The following LRRC7 variants were observed in gnomAD, a reference collection of about 807,000 sequenced individuals.
LRRC7 encodes leucine-rich repeat-containing protein 7.
LRRC7 carries 23 observed loss-of-function variants against 175.7 expected under a neutral mutation model. That is an observed-to-expected ratio of 0.13 (90% CI 0.09 to 0.19). The LOEUF is 0.19. Ranked by LOEUF, LRRC7 falls within the 10% of genes least tolerant of loss-of-function variation. The probability of loss-of-function intolerance (pLI) is 1.00; values close to 1 mark genes in which losing one functional copy is unlikely to be tolerated. For synonymous variants in LRRC7, 685 were observed against 680.9 expected (o/e 1.01, Z -0.09); for missense variants, 1,354 against 1,904.7 (o/e 0.71, Z 5.38).
chr1:70,084,819 T>C (rs1311947556), intron 24 of LRRC7, among the ~76,000 whole-genome samples: 2 of 152,176 alleles, frequency 1.3e-5, no homozygotes, highest in East Asian at 3.8e-4. Flanking sequence ...GTACTTATTA[T>C]TGTTTGTCTT....
In LRRC7 at chr1:69,941,580, T is replaced by C. The variant is rs76024977; in HGVS notation, c.711+10010T>C. On this transcript the variant is annotated intron_variant, in intron 8 of 26. Coordinates refer to ENST00000651989, the MANE Select transcript of LRRC7 (RefSeq NM_001370785.2). The stretch of plus-strand genomic sequence containing the variant: ...TATGGTAGGATCTGAATTTTGTAAA[T>C]TGAGGACACCTATCAAAAACTAATA... Among the ~76,000 whole-genome samples, 396 of 151,852 alleles carry C rather than the reference T, an allele frequency of 2.6e-3. 2 individuals are homozygous for C. The highest frequency in any genetic ancestry group is 9.4e-3 in the African/African-American group (387 of 41,278).
chr1:69,638,268 C>T (rs1005926914), intron 1 of LRRC7, among the ~76,000 whole-genome samples: 6 of 151,740 alleles, frequency 4.0e-5, no homozygotes, highest in African/African-American at 1.4e-4. Context: ...ATTAATCATT[C>T]ATTTGGTCAT....
At chr1:69,718,126 A>AAAGAAAAGAGAGAGAGAAAGAAAG (rs1553146096) in intron 2 of LRRC7, among the ~76,000 whole-genome samples, 1 of 32,262 alleles carries the variant, frequency 3.1e-5, no homozygotes, top group Non-Finnish European at 5.1e-5. Flanking sequence ...AGAAAGAAAG[A>AAAGAAAAGAGAGAGAGAAAGAAAG]AAAGAAAGAA....
chr1:69,873,653 C>A (rs979368934), intron 7 of LRRC7: 1 of 367,312 alleles, frequency 2.7e-6, no homozygotes, highest in Admixed American at 3.2e-5. Context: ...ATTTTTGGTG[C>A]GCTACCTGCT....
chr1:69,731,270 C>G (rs1357214493), intron 2 of LRRC7, among the ~76,000 whole-genome samples: 1 of 152,048 alleles, frequency 6.6e-6, no homozygotes, highest in African/African-American at 2.4e-5. Flanking sequence ...CCACTGCACT[C>G]CAGCAAGACT....
intron 7 of LRRC7, among the ~76,000 whole-genome samples, chr1:69,899,431 G>A (rs895371700): frequency 6.6e-6 from 1 of 152,092 alleles, no homozygotes; most frequent in Non-Finnish European, 1.5e-5. Context: ...AGATGCCAGG[G>A]AGCCAATAAA....
intron 7 of LRRC7, among the ~76,000 whole-genome samples, chr1:69,866,384 G>A (rs1175411954): frequency 1.3e-5 from 2 of 152,102 alleles, no homozygotes; most frequent in African/African-American, 4.8e-5. Flanking sequence ...GAGGGAAAGT[G>A]GAGAACCAGC....
chr1:69,806,314 G>A lies in LRRC7; in HGVS notation c.421+14154G>A, dbSNP rs116388182. Among the ~76,000 whole-genome samples the A allele has an allele frequency of 1.4e-3, 212 of 152,026 alleles. 3 individuals carry two copies. Among genetic ancestry groups the A allele is most frequent in the African/African-American group, 4.6e-3 (193 of 41,518 alleles). ...TGAAGCAGAGAGAGAGAAAGAGAGCGAGAACAAGAGGAATTGAAGTGTCAC... is the reference window on the plus strand; with the variant it reads ...TGAAGCAGAGAGAGAGAAAGAGAGCAAGAACAAGAGGAATTGAAGTGTCAC... On this transcript the variant is annotated intron_variant, in intron 4 of 26. Coordinates refer to ENST00000651989, the MANE Select transcript of LRRC7 (RefSeq NM_001370785.2).
At chr1:69,643,609 C>T (rs1224778941) in intron 1 of LRRC7, among the ~76,000 whole-genome samples, 1 of 152,100 alleles carries the variant, frequency 6.6e-6, no homozygotes, top group Non-Finnish European at 1.5e-5. Flanking sequence ...GAAAGTTTTG[C>T]TCCTTGCTAG....
intron 7 of LRRC7, among the ~76,000 whole-genome samples, chr1:69,852,009 A>G (rs1938584): frequency 0.57 from 86,811 of 151,892 alleles, 24,933 homozygotes; most frequent in East Asian, 0.7. Context: ...AGGTCAGGAA[A>G]AAATGTTTTA....
At chr1:70,054,577 A>AC (rs1660988463) in intron 23 of LRRC7, among the ~76,000 whole-genome samples, 1 of 45,544 alleles carries the variant, frequency 2.2e-5, no homozygotes, top group African/African-American at 8.7e-5. Flanking sequence ...TTTACACTCT[A>AC]CTTTTTTTTT....
chr1:70,036,134 A>G lies in LRRC7; in HGVS notation c.2009A>G (p.His670Arg). ...KEITVEDSFV[H>R]PANEMRIGEL... ...TATATCTCTCAGGATTCTTTTGTTCATCCAGCTAATGAAATGAGGATTGGG... is the reference window on the plus strand; with the variant it reads ...TATATCTCTCAGGATTCTTTTGTTCGTCCAGCTAATGAAATGAGGATTGGG... Residue 670 changes from histidine to arginine, a missense_variant, in exon 19 of 27, where the codon CAT (histidine) becomes CGT (arginine). His to Arg is a conservative substitution (Grantham distance 29). Around this residue, in one of 4 missense-constraint regions of LRRC7, gnomAD observed 1,032 missense variants for 1,227.2 expected, o/e 0.84. Coordinates refer to ENST00000651989, the MANE Select transcript of LRRC7 (RefSeq NM_001370785.2). The G allele has an allele frequency of 1.2e-6, 2 of 1,610,912 alleles. No homozygotes were observed. The highest frequency in any genetic ancestry group is 1.7e-6 in the Non-Finnish European group (2 of 1,178,652).
intron 4 of LRRC7, among the ~76,000 whole-genome samples, chr1:69,795,667 T>G (rs1267791007): frequency 6.6e-6 from 1 of 152,154 alleles, no homozygotes; most frequent in Non-Finnish European, 1.5e-5. Flanking sequence ...AAAATGTGCT[T>G]AAATTAGATG....
intron 7 of LRRC7, among the ~76,000 whole-genome samples, chr1:69,928,982 G>T (rs187296993): frequency 6.6e-6 from 1 of 152,268 alleles, no homozygotes; most frequent in East Asian, 1.9e-4. Context: ...TTCTTATTTG[G>T]CTTCCAGGAC....
At chr1:70,053,517 A>G (rs1660902399) in intron 23 of LRRC7, among the ~76,000 whole-genome samples, 1 of 152,230 alleles carries the variant, frequency 6.6e-6, no homozygotes, top group African/African-American at 2.4e-5. Flanking sequence ...CACTATTTCT[A>G]AAGTTATGAC....
chr1:69,737,189 T>A (rs1040911604), intron 2 of LRRC7, among the ~76,000 whole-genome samples: 17 of 152,118 alleles, frequency 1.1e-4, no homozygotes, highest in Admixed American at 1.1e-3. Flanking sequence ...CCAAATCTCA[T>A]CTTGAATTGT....
chr1:69,804,014 A>G (rs1676827742), intron 4 of LRRC7, among the ~76,000 whole-genome samples: 1 of 151,252 alleles, frequency 6.6e-6, no homozygotes, highest in African/African-American at 2.4e-5. Context: ...TTTCCAACTC[A>G]TTAATTTCTA....
chr1:69,988,681 G>A (rs990234805), intron 10 of LRRC7, among the ~76,000 whole-genome samples: 6 of 152,176 alleles, frequency 3.9e-5, no homozygotes, highest in Admixed American at 3.3e-4. Flanking sequence ...TGGAGCTACA[G>A]AAAAGGGAAA....
At chr1:69,652,773 A>G (rs553716956) in intron 1 of LRRC7, among the ~76,000 whole-genome samples, 1 of 152,230 alleles carries the variant, frequency 6.6e-6, no homozygotes, top group East Asian at 1.9e-4. Context: ...AAAACATTAT[A>G]TTACTGCCAT....
Sources: allele counts gnomAD v4.1 joint callset (sites outside exome capture counted in the v4.1 genomes callset), GRCh38; gene constraint gnomAD v4.1.1; regional missense constraint gnomAD v4.1.1; transcripts MANE v1.5; gene names NCBI Gene and HGNC (gene_info 2026-07-23, HGNC 2026-07-21).